The following RANBP17 variants were observed in gnomAD, a reference collection of about 807,000 sequenced individuals.
RANBP17 encodes ran-binding protein 17.
RANBP17 carries 158 observed loss-of-function variants against 141.2 expected under a neutral mutation model. The ratio of observed to expected loss-of-function variants is 1.12; its 90% CI spans 0.98 to 1.28. RANBP17 has a LOEUF of 1.28. Among genes scored for constraint, RANBP17 ranks in the 50% most tolerant of loss-of-function variants. RANBP17 has a pLI of 0.00. For missense variants in RANBP17, 1,438 were observed against 1,290.7 expected (o/e 1.11, Z -1.75); for synonymous variants, 430 against 450.0 (o/e 0.96, Z 0.56).
intron 14 of RANBP17, among the ~76,000 whole-genome samples, chr5:171,150,872 G>C (rs1581741953): frequency 6.6e-6 from 1 of 152,176 alleles, no homozygotes; most frequent in East Asian, 1.9e-4. Context: ...TTTTCTAATT[G>C]TCTGCAGACG....
intron 14 of RANBP17, among the ~76,000 whole-genome samples, chr5:171,115,631 G>T (rs1755565258): frequency 6.6e-6 from 1 of 152,152 alleles, no homozygotes; most frequent in Non-Finnish European, 1.5e-5. Context: ...TTGCAGCTAG[G>T]AATGCTTTGT....
At chr5:171,296,105 T>A in intron 27 of RANBP17, 91 bp downstream of exon 27, 1 of 1,283,158 alleles carries the variant, frequency 7.8e-7, no homozygotes. Flanking sequence ...AGCTCACACA[T>A]GGATGTCCCT....
chr5:171,081,479 C>T (rs1292370643), intron 14 of RANBP17, among the ~76,000 whole-genome samples: 2 of 152,106 alleles, frequency 1.3e-5, no homozygotes, highest in Admixed American at 6.6e-5. Flanking sequence ...ATTAACTGAA[C>T]GTATCATGTA....
chr5:170,941,751 A>G (rs1444100621), intron 12 of RANBP17, among the ~76,000 whole-genome samples: 1 of 152,252 alleles, frequency 6.6e-6, no homozygotes, highest in Non-Finnish European at 1.5e-5. Context: ...GGAATAAATC[A>G]TAAGAAATCT....
rs199995222 is a variant in RANBP17 at position 170,988,032 on chromosome 5, G to T, written c.1710+19655G>T. 9.9e-5 allele frequency among the ~76,000 whole-genome samples: 15 copies of T among 151,248 alleles called. No homozygotes were observed. In the East Asian group the frequency reaches 1.7e-3, roughly 18 times the overall value. Reference sequence around the variant, plus strand: ...ACATTAAACACTTACTCTCTCCCTTGTGCTATGCTAGATCCTGGAAGAATT... The same window carrying T: ...ACATTAAACACTTACTCTCTCCCTTTTGCTATGCTAGATCCTGGAAGAATT... On this transcript the variant is annotated intron_variant, in intron 14 of 27. Transcript: ENST00000523189.
chr5:170,914,750 T>C (rs756291520), intron 8 of RANBP17, among the ~76,000 whole-genome samples: 1 of 152,158 alleles, frequency 6.6e-6, no homozygotes, highest in Non-Finnish European at 1.5e-5. Flanking sequence ...TAAATTCTAT[T>C]GCATGCTTAA....
intron 14 of RANBP17, among the ~76,000 whole-genome samples, chr5:171,096,641 A>T (rs925129410): frequency 6.6e-5 from 10 of 152,202 alleles, no homozygotes; most frequent in Non-Finnish European, 1.2e-4. Flanking sequence ...TTAGGATAAT[A>T]AATTACAAAT....
chr5:170,952,193 A>G lies in RANBP17; in HGVS notation c.1469-1404A>G, dbSNP rs546970800. 3.3e-5 allele frequency among the ~76,000 whole-genome samples: 5 copies of G among 152,176 alleles called. No homozygotes were observed. In the East Asian group the frequency reaches 7.7e-4, roughly 23 times the overall value. Reference sequence around the variant, plus strand: ...TATTGACCCTAAAACACTGAAATTCATAAGGTAACTTTCTGGATACTTTCA... The same window carrying G: ...TATTGACCCTAAAACACTGAAATTCGTAAGGTAACTTTCTGGATACTTTCA... On this transcript the variant is annotated intron_variant, in intron 12 of 27. Transcript: ENST00000523189.
chr5:171,081,414 T>C (rs1785252267), intron 14 of RANBP17, among the ~76,000 whole-genome samples: 1 of 152,200 alleles, frequency 6.6e-6, no homozygotes, highest in Non-Finnish European at 1.5e-5. Context: ...GATTGCTGTA[T>C]AGTAGTTAGC....
intron 1 of RANBP17, among the ~76,000 whole-genome samples, chr5:170,873,169 T>G (rs763467643): frequency 5.3e-5 from 8 of 152,160 alleles, no homozygotes; most frequent in Non-Finnish European, 2.9e-5. Context: ...CCTTGGCCTC[T>G]CTAAGGGCTG....
chr5:170,879,158 A>AT (rs1480853655), intron 2 of RANBP17, among the ~76,000 whole-genome samples: 1 of 152,152 alleles, frequency 6.6e-6, no homozygotes, highest in Non-Finnish European at 1.5e-5. Flanking sequence ...CATATTTTAT[A>AT]TTTGAAAGTA....
chr5:171,031,076 G>A (rs185592380), intron 14 of RANBP17, among the ~76,000 whole-genome samples: 146 of 151,974 alleles, frequency 9.6e-4, no homozygotes, highest in African/African-American at 3.4e-3. Flanking sequence ...ATATATGAAT[G>A]AACTAAAATT....
intron 14 of RANBP17, among the ~76,000 whole-genome samples, chr5:171,014,384 A>G (rs1313726300): frequency 2.0e-5 from 3 of 151,880 alleles, no homozygotes; most frequent in Admixed American, 6.6e-5. Flanking sequence ...GTTTTATTCA[A>G]TGGATTTTTG....
intron 20 of RANBP17, among the ~76,000 whole-genome samples, chr5:171,209,271 C>T (rs1297418284): frequency 6.6e-6 from 1 of 152,100 alleles, no homozygotes; most frequent in Non-Finnish European, 1.5e-5. Context: ...GTTACATATA[C>T]CACTCATTTC....
chr5:170,973,370 A>G (rs147315663), intron 14 of RANBP17, among the ~76,000 whole-genome samples: 1 of 152,326 alleles, frequency 6.6e-6, no homozygotes, highest in Non-Finnish European at 1.5e-5. Flanking sequence ...TATGAAAAGC[A>G]GAATACTATG....
At chr5:170,969,939 A>G (rs1039613360) in intron 14 of RANBP17, among the ~76,000 whole-genome samples, 5 of 151,964 alleles carry the variant, frequency 3.3e-5, no homozygotes, top group African/African-American at 4.8e-5. Context: ...AGGCATTTCT[A>G]TTGCATAACC....
intron 14 of RANBP17, among the ~76,000 whole-genome samples, chr5:171,060,319 A>G (rs933156149): frequency 1.4e-5 from 2 of 143,520 alleles, no homozygotes; most frequent in African/African-American, 5.1e-5. Flanking sequence ...GATAGCTCTT[A>G]TTATTTTGAG....
intron 13 of RANBP17, among the ~76,000 whole-genome samples, chr5:170,960,422 T>C (rs1306818145): frequency 6.6e-6 from 1 of 152,220 alleles, no homozygotes; most frequent in East Asian, 1.9e-4. Flanking sequence ...ATTAAACTCA[T>C]CTTTTCCATC....
chr5:171,219,726 G>A (rs570134138), intron 21 of RANBP17, among the ~76,000 whole-genome samples: 1 of 151,904 alleles, frequency 6.6e-6, no homozygotes, highest in African/African-American at 2.4e-5. Flanking sequence ...CTCATGCTGT[G>A]TTTTTCAGCT....
Sources: gnomAD v4.1 joint callset for allele counts (sites outside exome capture counted in the v4.1 genomes callset) on GRCh38, gnomAD v4.1.1 for gene constraint, MANE v1.5 for transcripts, NCBI Gene and HGNC (gene_info 2026-07-23, HGNC 2026-07-21) for gene names.